Variants in PRICKLE1 observed in about 807,000 individuals in gnomAD.
PRICKLE1 encodes prickle-like protein 1.
PRICKLE1 carries 14 observed loss-of-function variants against 70.2 expected under a neutral mutation model. That is an observed-to-expected ratio of 0.20 (90% CI 0.13 to 0.31). The LOEUF is 0.31. PRICKLE1 is among the 10% of genes least tolerant of loss of function. PRICKLE1 has a pLI of 1.00. For missense variants in PRICKLE1, 821 were observed against 1,026.2 expected (o/e 0.80, Z 2.73); for synonymous variants, 357 against 379.9 (o/e 0.94, Z 0.70).
intron 1 of PRICKLE1, among the ~76,000 whole-genome samples, chr12:42,507,733 T>C (rs1213168016): frequency 6.6e-6 from 1 of 152,234 alleles, no homozygotes; most frequent in African/African-American, 2.4e-5. Flanking sequence ...CTGACATTTA[T>C]AAAGCCAAAG....
At chr12:42,509,945 C>T (rs1487144741) in intron 1 of PRICKLE1, among the ~76,000 whole-genome samples, 1 of 151,630 alleles carries the variant, frequency 6.6e-6, no homozygotes, top group Admixed American at 6.6e-5. Flanking sequence ...TGTTGGCACA[C>T]ACTTGGAATC....
chr12:42,523,555 T>G (rs145686201), intron 1 of PRICKLE1, among the ~76,000 whole-genome samples: 76 of 152,350 alleles, frequency 5.0e-4, no homozygotes, highest in Non-Finnish European at 2.5e-4. Context: ...GAAGGAAGAC[T>G]GGTAGCAGCA....
rs192638799 is a variant in PRICKLE1, at chr12:42,477,370, C to T, written c.-48-4806G>A. 1.0e-4 allele frequency among the ~76,000 whole-genome samples: 15 copies of T among 144,378 alleles called. No homozygotes were observed. The East Asian group carries it at 3.0e-3, about 29-fold the overall frequency. The allele number at this position is 144,378 out of a possible 152,430, so 94.7% of individuals were successfully genotyped here. On this transcript the variant is annotated intron_variant, in intron 1 of 7. Transcript: ENST00000345127. ...CTGGGCAACAAGAGCAAAACTCTGTCTCAAAACAAAACAAAACAAAATATA... is the reference window on the plus strand; with the variant it reads ...CTGGGCAACAAGAGCAAAACTCTGTTTCAAAACAAAACAAAACAAAATATA...
chr12:42,511,700 A>G (rs1358636361), intron 1 of PRICKLE1, among the ~76,000 whole-genome samples: 1 of 152,134 alleles, frequency 6.6e-6, no homozygotes, highest in Non-Finnish European at 1.5e-5. Context: ...TGTATTAGAG[A>G]CATGTATAAA....
At chr12:42,525,868 G>A (rs1388269170) in intron 1 of PRICKLE1, among the ~76,000 whole-genome samples, 5 of 152,106 alleles carry the variant, frequency 3.3e-5, no homozygotes, top group African/African-American at 9.7e-5. Flanking sequence ...AAAGCACCAT[G>A]TTTGCCACAT....
chr12:42,468,767 C>G lies in PRICKLE1; in HGVS notation c.447G>C (p.Val149=). ...AGACAAAACAGGATGGGTGCCAGCA[C>G]ACACCAGGGCCCGCACGGGAGGCGA... is the stretch of plus-strand genomic sequence containing the variant. ...AVFASRAGPG[V]CWHPSCFVCF... is the part of the protein sequence containing the mutation. Residue 149 remains valine (V), a synonymous_variant, in exon 5 of 8, where the codon GTG becomes GTC. Coordinates refer to ENST00000345127, the MANE Select transcript of PRICKLE1 (RefSeq NM_153026.3). The G allele has an allele frequency of 6.2e-7, 1 of 1,614,172 alleles. No individual in the cohort carries two copies.
chr12:42,534,697 A>G (rs1210662969), intron 1 of PRICKLE1, among the ~76,000 whole-genome samples: 1 of 152,178 alleles, frequency 6.6e-6, no homozygotes, highest in Admixed American at 6.5e-5. Flanking sequence ...TCTCTTTGGC[A>G]GAGTCTCTAC....
In PRICKLE1 at chr12:42,459,893, T is replaced by G. The variant is rs750190848; in HGVS notation, c.2412A>C (p.Ala804=). 1 of 1,614,008 alleles carries G rather than the reference T, an allele frequency of 6.2e-7. No homozygotes were observed. The highest frequency in any genetic ancestry group is 8.5e-7 in the Non-Finnish European group (1 of 1,180,044). ...TCTGACCAAACTGAGGGGTGGGAAGTGCAGATGGTGGACTAGAAAGGTCAT... is the reference window on the plus strand; with the variant it reads ...TCTGACCAAACTGAGGGGTGGGAAGGGCAGATGGTGGACTAGAAAGGTCAT... ...YTDDLSSPPS[A]LPTPQFGQRT... is the part of the protein sequence containing the mutation. Residue 804 remains alanine, a synonymous_variant, in exon 8 of 8, where the codon GCA becomes GCC. Coordinates refer to ENST00000345127, the MANE Select transcript of PRICKLE1 (RefSeq NM_153026.3).
At chr12:42,510,195 C>T (rs529687784) in intron 1 of PRICKLE1, among the ~76,000 whole-genome samples, 16 of 152,176 alleles carry the variant, frequency 1.1e-4, no homozygotes, top group Admixed American at 3.9e-4. Context: ...CCTGGGTTCA[C>T]GCCATTCTCC....
intron 1 of PRICKLE1, among the ~76,000 whole-genome samples, chr12:42,570,596 G>A (rs937792336): frequency 6.6e-6 from 1 of 152,180 alleles, no homozygotes; most frequent in African/African-American, 2.4e-5. Flanking sequence ...GAAGCGGGTG[G>A]ATCACCAGAC....
At chr12:42,493,663 T>A (rs1443192042) in intron 1 of PRICKLE1, among the ~76,000 whole-genome samples, 1 of 152,098 alleles carries the variant, frequency 6.6e-6, no homozygotes, top group African/African-American at 2.4e-5. Flanking sequence ...TTCTTGCCTA[T>A]CATCATTCAG....
Position 42,457,816 on chromosome 12 carries a change from T to G in PRICKLE1, c.*1993A>C, listed in dbSNP as rs1203852672. The G allele has an allele frequency of 2.6e-5, 4 of 152,240 alleles. No individual in the cohort carries two copies. Among genetic ancestry groups the G allele is most frequent in the Non-Finnish European group, 5.9e-5 (4 of 68,044 alleles). The allele number at this position is 152,240 out of a possible 1,614,324, so 9.4% of individuals were successfully genotyped here. On this transcript the variant is annotated 3_prime_UTR_variant, in exon 8 of 8. Transcript: ENST00000345127. ...CACATTTATACGAATGTGCTTTGAA[T>G]GTCTGAAGGAGACACTAAAACTGGG...
At position 42,464,342 on chromosome 12, in the gene PRICKLE1, C is replaced by T; in HGVS notation, c.1639+53G>A. 1 of 1,611,768 alleles carries T rather than the reference C, an allele frequency of 6.2e-7. No individual in the cohort carries two copies. Among genetic ancestry groups the T allele is most frequent in the Non-Finnish European group, 8.5e-7 (1 of 1,178,256 alleles). ...GGCTTGAATTGCAATTTTTTGAATACACTTTTTAGTAGCTCCTTTTTTCAA... is the reference window on the plus strand; with the variant it reads ...GGCTTGAATTGCAATTTTTTGAATATACTTTTTAGTAGCTCCTTTTTTCAA... On this transcript the variant is annotated intron_variant, in intron 7 of 7. Transcript: ENST00000345127. This position sits in a 1 kb window ranked among gnomAD's most constrained non-coding sequence, Gnocchi z 4.2.
chr12:42,490,662 G>A (rs1350183944), intron 1 of PRICKLE1, among the ~76,000 whole-genome samples: 3 of 152,112 alleles, frequency 2.0e-5, no homozygotes, highest in Non-Finnish European at 2.9e-5. Context: ...GTGGCTGCCC[G>A]GGGTGTACAG....
intron 1 of PRICKLE1, among the ~76,000 whole-genome samples, chr12:42,586,282 A>G (rs1315672675): frequency 6.6e-6 from 1 of 152,232 alleles, no homozygotes; most frequent in Non-Finnish European, 1.5e-5. Flanking sequence ...TAACATGGAG[A>G]TGAGAGAGAC....
At chr12:42,547,286 G>A (rs1940231870) in intron 1 of PRICKLE1, among the ~76,000 whole-genome samples, 1 of 152,156 alleles carries the variant, frequency 6.6e-6, no homozygotes, top group Non-Finnish European at 1.5e-5. Context: ...AAAGGTTTGG[G>A]AGACAGACAG....
chr12:42,488,246 A>G (rs1242571503), intron 1 of PRICKLE1, among the ~76,000 whole-genome samples: 1 of 152,126 alleles, frequency 6.6e-6, no homozygotes, highest in Non-Finnish European at 1.5e-5. Context: ...CTGGGTCTCT[A>G]AAGACTCAAT....
At chr12:42,521,993 TTGACAGAG>T (rs1939717894) in intron 1 of PRICKLE1, among the ~76,000 whole-genome samples, 1 of 150,836 alleles carries the variant, frequency 6.6e-6, no homozygotes. Context: ...TTTTTTTTTT[TTGACAGAG>T]TTTCGCTCTT....
chr12:42,538,923 T>G (rs1253201125), intron 1 of PRICKLE1, among the ~76,000 whole-genome samples: 1 of 152,210 alleles, frequency 6.6e-6, no homozygotes. Flanking sequence ...GCCTTAGATT[T>G]CCCAAAAGTT....
Sources: gnomAD v4.1 joint callset for allele counts (sites outside exome capture counted in the v4.1 genomes callset) on GRCh38, gnomAD v4.1.1 for gene constraint, Gnocchi (gnomAD v3.1) non-coding constraint, MANE v1.5 for transcripts, NCBI Gene and HGNC (gene_info 2026-07-23, HGNC 2026-07-21) for gene names.